The following KSR2 variants were observed in gnomAD, a reference collection of about 807,000 sequenced individuals.
The protein encoded by KSR2 is kinase suppressor of ras 2.
A neutral mutation model predicts 107.8 loss-of-function variants in KSR2; 25 were observed. The ratio of observed to expected loss-of-function variants is 0.23; its 90% CI spans 0.17 to 0.32. KSR2 has a LOEUF of 0.32. Among genes scored for constraint, KSR2 ranks in the 10% least tolerant of loss-of-function variants. The probability of loss-of-function intolerance (pLI) is 1.00; values close to 1 mark genes in which losing one functional copy is unlikely to be tolerated. For synonymous variants in KSR2, 480 were observed against 507.0 expected, an observed-to-expected ratio of 0.95 and a Z score of 0.71; for missense variants, 887 against 1,268.9, an observed-to-expected ratio of 0.70 and a Z score of 4.57.
intron 4 of KSR2, among the ~76,000 whole-genome samples, chr12:117,733,781 G>T (rs1249630572): frequency 6.6e-6 from 1 of 151,616 alleles, no homozygotes; most frequent in African/African-American, 2.4e-5. Context: ...TTCTCTTCTA[G>T]ACTCTGAGCT....
At chr12:117,586,446 T>G (rs1334722982) in intron 5 of KSR2, among the ~76,000 whole-genome samples, 1 of 151,550 alleles carries the variant, frequency 6.6e-6, no homozygotes, top group Non-Finnish European at 1.5e-5. Flanking sequence ...AAATTATTTT[T>G]GTATATGGCG....
chr12:117,725,397 C>A (rs967497729), intron 4 of KSR2, among the ~76,000 whole-genome samples: 2 of 152,134 alleles, frequency 1.3e-5, no homozygotes, highest in East Asian at 3.8e-4. Context: ...ATATGGCCAA[C>A]TTACATTTGA....
At chr12:117,540,016 C>G in intron 9 of KSR2, 129 bp from the exon 10 acceptor site, 1 of 713,630 alleles carries the variant, frequency 1.4e-6, no homozygotes, top group Non-Finnish European at 2.2e-6. Flanking sequence ...CCTCAGCCAC[C>G]AGATCCTTCC....
chr12:117,496,795 C>T (rs761511776), intron 14 of KSR2, among the ~76,000 whole-genome samples: 1 of 151,768 alleles, frequency 6.6e-6, no homozygotes, highest in African/African-American at 2.4e-5. Flanking sequence ...AACAAAACAA[C>T]AAAACTAGTT....
chr12:117,796,387 C>A (rs1566020417), intron 3 of KSR2, among the ~76,000 whole-genome samples: 1 of 152,226 alleles, frequency 6.6e-6, no homozygotes, highest in Non-Finnish European at 1.5e-5. Context: ...CAGGAAATTA[C>A]ATCCCAGGCA....
At chr12:117,668,440 C>T (rs1325978792) in intron 4 of KSR2, among the ~76,000 whole-genome samples, 1 of 152,320 alleles carries the variant, frequency 6.6e-6, no homozygotes. Context: ...GCCTCACAGG[C>T]AGCTGCCAGA....
intron 1 of KSR2, among the ~76,000 whole-genome samples, chr12:117,880,029 C>G (rs1354138478): frequency 6.6e-6 from 1 of 152,116 alleles, no homozygotes; most frequent in East Asian, 1.9e-4. Context: ...GCCTGTAATC[C>G]CAGCTACTTG....
chr12:117,777,862 T>C (rs1047744786), intron 3 of KSR2, among the ~76,000 whole-genome samples: 1 of 151,888 alleles, frequency 6.6e-6, no homozygotes, highest in Non-Finnish European at 1.5e-5. Flanking sequence ...AAAAACCCCA[T>C]CTCTACTAAA....
In KSR2 at chr12:117,966,617, G is replaced by GCACACACACACA. The variant is rs1353712868; in HGVS notation, c.180+1458_180+1459insTGTGTGTGTGTG. ...TGTTCTCTCTCTCTCTCTCTCACACGCGCACGCACACACACACACACACAC... is the reference window on the plus strand; with the variant it reads ...TGTTCTCTCTCTCTCTCTCTCACACGCACACACACACACGCACGCACACACACACACACACAC... On this transcript the variant is annotated intron_variant, in intron 1 of 19. Coordinates refer to ENST00000339824, the MANE Select transcript of KSR2 (RefSeq NM_173598.6). Among the ~76,000 whole-genome samples the GCACACACACACA allele has an allele frequency of 2.3e-3, 298 of 130,636 alleles. 4 individuals are homozygous for GCACACACACACA. The highest frequency in any genetic ancestry group is 7.4e-3 in the Middle Eastern group (2 of 272). 85.7% of individuals were successfully genotyped at this position (130,636 alleles called of 152,430 possible).
At chr12:117,495,914 C>T (rs922144188) in intron 14 of KSR2, among the ~76,000 whole-genome samples, 1 of 151,964 alleles carries the variant, frequency 6.6e-6, no homozygotes, top group African/African-American at 2.4e-5. Context: ...ATTAGCCAGG[C>T]GTGGTTGTGT....
chr12:117,919,633 C>G (rs767994780), intron 1 of KSR2, among the ~76,000 whole-genome samples: 6 of 152,236 alleles, frequency 3.9e-5, no homozygotes, highest in Non-Finnish European at 4.4e-5. Flanking sequence ...AGAAATTATA[C>G]TTCCCCATAC....
chr12:117,845,236 G>A (rs1892657972), intron 3 of KSR2, among the ~76,000 whole-genome samples: 1 of 152,222 alleles, frequency 6.6e-6, no homozygotes, highest in Admixed American at 6.5e-5. Context: ...TAACAAGGCA[G>A]TTGTGTTGAG....
intron 14 of KSR2, among the ~76,000 whole-genome samples, chr12:117,517,024 C>A (rs1874418102): frequency 6.6e-6 from 1 of 152,132 alleles, no homozygotes; most frequent in Non-Finnish European, 1.5e-5. Context: ...CAGACCACCC[C>A]CCTCCATAGG....
intron 9 of KSR2, among the ~76,000 whole-genome samples, chr12:117,553,021 C>T (rs1877414117): frequency 6.6e-6 from 1 of 152,246 alleles, no homozygotes; most frequent in Non-Finnish European, 1.5e-5. Context: ...TCGTACGCCA[C>T]TAAGTTTGGG....
In KSR2 at chr12:117,550,118, C is replaced by T. The variant is rs59753329; in HGVS notation, c.1518+5051G>A. Among the ~76,000 whole-genome samples the T allele has an allele frequency of 4.9e-3, 751 of 152,292 alleles. 6 individuals are homozygous for T. The highest frequency in any genetic ancestry group is 0.017 in the African/African-American group (716 of 41,570). ...AACATAGATAAGAGCTGGAAACATC[C>T]ATCAGAGACCATCCAGTCCAACTAC... On this transcript the variant is annotated intron_variant, in intron 9 of 19. Coordinates refer to ENST00000339824, the MANE Select transcript of KSR2 (RefSeq NM_173598.6).
At chr12:117,857,425 C>G (rs906189973) in intron 2 of KSR2, among the ~76,000 whole-genome samples, 2 of 152,122 alleles carry the variant, frequency 1.3e-5, no homozygotes, top group African/African-American at 4.8e-5. Context: ...AAGGATTCTC[C>G]TCTTTGCTTC....
At chr12:117,882,175 G>A (rs1379238843) in intron 1 of KSR2, among the ~76,000 whole-genome samples, 20 of 152,144 alleles carry the variant, frequency 1.3e-4, no homozygotes, top group Non-Finnish European at 1.5e-5. Context: ...AGCTCCCTCA[G>A]CACACTGCAG....
chr12:117,867,399 C>T (rs1893510769), intron 1 of KSR2, among the ~76,000 whole-genome samples: 1 of 152,136 alleles, frequency 6.6e-6, no homozygotes, highest in African/African-American at 2.4e-5. Flanking sequence ...GAAGTCCTTT[C>T]CACACCCACC....
chr12:117,545,932 T>C (rs1033765968), intron 9 of KSR2, among the ~76,000 whole-genome samples: 4 of 152,178 alleles, frequency 2.6e-5, no homozygotes, highest in African/African-American at 7.2e-5. Context: ...TTAATAATTG[T>C]CTTAAATATT....
Sources: gnomAD v4.1 joint callset for allele counts (sites outside exome capture counted in the v4.1 genomes callset) on GRCh38, gnomAD v4.1.1 for gene constraint, MANE v1.5 for transcripts, NCBI Gene and HGNC (gene_info 2026-07-23, HGNC 2026-07-21) for gene names.